Variants in SLCO1B1 observed in about 807,000 individuals in gnomAD.
SLCO1B1 encodes the protein solute carrier organic anion transporter family member 1B1.
In SLCO1B1, 81 loss-of-function variants were observed where a neutral mutation model predicts 70.1. The ratio of observed to expected loss-of-function variants is 1.16; its 90% CI spans 0.97 to 1.39. The LOEUF (loss-of-function observed/expected upper bound fraction) is 1.39. Ranked by LOEUF, SLCO1B1 falls within the 40% of genes most tolerant of loss-of-function variation. SLCO1B1 has a pLI of 0.00. For missense variants in SLCO1B1, 895 were observed against 799.6 expected (o/e 1.12, Z -1.44); for synonymous variants, 283 against 271.5 (o/e 1.04, Z -0.42).
chr12:21,170,958 T>C (rs1158586215), intron 2 of SLCO1B1, among the ~76,000 whole-genome samples: 2 of 152,242 alleles, frequency 1.3e-5, no homozygotes, highest in Non-Finnish European at 2.9e-5. Flanking sequence ...CATTATTTCT[T>C]AAGCATCTTT....
intron 14 of SLCO1B1, among the ~76,000 whole-genome samples, chr12:21,236,268 G>C (rs1281664304): frequency 6.6e-6 from 1 of 152,138 alleles, no homozygotes; most frequent in African/African-American, 2.4e-5. Context: ...AGAACACATT[G>C]AGGGTTAGAT....
intron 2 of SLCO1B1, among the ~76,000 whole-genome samples, chr12:21,142,157 T>G (rs1219131279): frequency 6.6e-6 from 1 of 151,816 alleles, no homozygotes. Flanking sequence ...GTCAAAAACT[T>G]GGCCAAAAGA....
chr12:21,205,765 T>C, intron 10 of SLCO1B1, 103 bp from the exon 11 acceptor site: 2 of 870,980 alleles, frequency 2.3e-6, no homozygotes, highest in Non-Finnish European at 3.5e-6. Flanking sequence ...CTACTTTTTT[T>C]CCCTCTTTCT....
chr12:21,238,033 G>A (rs1302981721), intron 14 of SLCO1B1, among the ~76,000 whole-genome samples: 3 of 152,014 alleles, frequency 2.0e-5, no homozygotes, highest in Non-Finnish European at 4.4e-5. Context: ...TTTTAAAAAT[G>A]TTTCTTTTGC....
At chr12:21,137,087 A>G (rs558466481) in intron 1 of SLCO1B1, among the ~76,000 whole-genome samples, 46 of 152,266 alleles carry the variant, frequency 3.0e-4, no homozygotes, top group African/African-American at 1.1e-3. Context: ...AGAGTTTGCT[A>G]GAGGTCCACT....
At chr12:21,225,744 G>A (rs1941476059) in intron 14 of SLCO1B1, among the ~76,000 whole-genome samples, 1 of 152,124 alleles carries the variant, frequency 6.6e-6, no homozygotes. Context: ...TCCAATGCTG[G>A]CAAGGATGCA....
rs546256423 is a variant in SLCO1B1, at chr12:21,176,615, T to C, written c.360-161T>C. Among the ~76,000 whole-genome samples, 14 of 152,138 alleles carry C rather than the reference T, an allele frequency of 9.2e-5. No homozygotes were observed. The East Asian group carries it at 2.7e-3, about 29-fold the overall frequency. Reference sequence around the variant, plus strand: ...GACACTTCCATTTCACTTTTACCCATCACATCTCTTAAAACACATGCTGGG... The same window carrying C: ...GACACTTCCATTTCACTTTTACCCACCACATCTCTTAAAACACATGCTGGG... On this transcript the variant is annotated intron_variant, in intron 4 of 14. Coordinates refer to ENST00000256958, the MANE Select transcript of SLCO1B1 (RefSeq NM_006446.5).
At chr12:21,205,199 C>CA (rs1194211828) in intron 10 of SLCO1B1, among the ~76,000 whole-genome samples, 4 of 151,612 alleles carry the variant, frequency 2.6e-5, no homozygotes, top group African/African-American at 9.7e-5. Flanking sequence ...ATGAATTATA[C>CA]AAAAAATATA....
chr12:21,148,851 A>C, intron 2 of SLCO1B1, among the ~76,000 whole-genome samples: 1 of 152,110 alleles, frequency 6.6e-6, no homozygotes, highest in East Asian at 1.9e-4. Context: ...CTTCCTATCC[A>C]TGAGCATAGA....
chr12:21,193,013 T>C (rs1941048175), intron 7 of SLCO1B1, among the ~76,000 whole-genome samples: 1 of 152,258 alleles, frequency 6.6e-6, no homozygotes, highest in South Asian at 2.1e-4. Context: ...TTTTCTACTT[T>C]TCTTTTTGAT....
At position 21,172,676 on chromosome 12, in the gene SLCO1B1, C is replaced by T. The variant is rs1349344368; in HGVS notation, c.111C>T (p.Ser37=). ...LKMFLAALSL[S]FIAKTLGAII... ...TGTTCTTGGCAGCTCTGTCACTCAG[C>T]TTTATTGCTAAGACACTAGGTGCAA... is the stretch of plus-strand genomic sequence containing the variant. The change falls in exon 3 of 15, where the codon AGC becomes AGT. Residue 37 remains serine, a synonymous_variant. Coordinates refer to ENST00000256958, the MANE Select transcript of SLCO1B1 (RefSeq NM_006446.5). The T allele has an allele frequency of 6.2e-7, 1 of 1,613,814 alleles. No homozygotes were observed. The highest frequency in any genetic ancestry group is 1.1e-5 in the South Asian group (1 of 91,074).
At position 21,239,153 on chromosome 12, in the gene SLCO1B1, C is replaced by T; in HGVS notation, c.2040C>T (p.Val680=). ...LESLNKNKHF[V]PSAGADSETH... ...CCTTAAATAAAAATAAACATTTTGT[C>T]CCTTCTGCTGGGGCAGATAGTGAAA... Residue 680 remains valine, a synonymous_variant, in exon 15 of 15, where the codon GTC becomes GTT. Transcript: ENST00000256958. The T allele has an allele frequency of 6.2e-7, 1 of 1,613,124 alleles. No homozygotes were observed. Among genetic ancestry groups the T allele is most frequent in the Non-Finnish European group, 8.5e-7 (1 of 1,179,398 alleles).
rs754227814 is a variant in SLCO1B1, at chr12:21,197,045, T to G, written c.827T>G (p.Phe276Cys). The change falls in exon 8 of 15, where the codon TTC becomes TGC. Residue 276 changes from phenylalanine to cysteine, a missense_variant. Transcript: ENST00000256958. ...GLFSIISSIP[F>C]FFLPQTPNKP... is the part of the protein sequence containing the mutation. Reference sequence around the variant, plus strand: ...TTCTCCATTATTTCTTCCATACCATTCTTTTTCTTGCCCCAAACTCCAAAT... The same window carrying G: ...TTCTCCATTATTTCTTCCATACCATGCTTTTTCTTGCCCCAAACTCCAAAT... 12 of 1,613,828 alleles carry G rather than the reference T, an allele frequency of 7.4e-6. No individual in the cohort carries two copies. Among genetic ancestry groups the G allele is most frequent in the African/African-American group, 1.3e-5 (1 of 75,036 alleles).
intron 11 of SLCO1B1, among the ~76,000 whole-genome samples, chr12:21,211,874 G>A (rs1941291096): frequency 1.3e-5 from 2 of 151,440 alleles, no homozygotes; most frequent in South Asian, 4.2e-4. Context: ...ATTCTCTGAT[G>A]GTAGTTTGTA....
intron 2 of SLCO1B1, among the ~76,000 whole-genome samples, chr12:21,145,785 C>T (rs1391630777): frequency 6.6e-6 from 1 of 151,904 alleles, no homozygotes; most frequent in Non-Finnish European, 1.5e-5. Context: ...GTCTGTGCTC[C>T]TTGATTCTTA....
chr12:21,182,527 C>G (rs1940915454), intron 7 of SLCO1B1, among the ~76,000 whole-genome samples: 1 of 152,138 alleles, frequency 6.6e-6, no homozygotes, highest in South Asian at 2.1e-4. Flanking sequence ...GTATTGTAGG[C>G]CCTTCTGCCC....
intron 1 of SLCO1B1, among the ~76,000 whole-genome samples, chr12:21,135,214 TC>T (rs201952306): frequency 0.05 from 7,542 of 152,228 alleles, 93 homozygotes; most frequent in East Asian, 0.12. Flanking sequence ...TGTTATAATT[TC>T]TGTTCTTTTC....
At position 21,174,701 on chromosome 12, in the gene SLCO1B1, C is replaced by T. The variant is rs1414521726; in HGVS notation, c.351C>T (p.Phe117=). 1.1e-5 allele frequency: 17 copies of T among 1,600,140 alleles called. No homozygotes were observed. Among genetic ancestry groups the T allele is most frequent in the Non-Finnish European group, 1.4e-5 (17 of 1,174,336 alleles). Residue 117 remains phenylalanine, a synonymous_variant, in exon 4 of 15, where the codon TTC becomes TTT. Transcript: ENST00000256958. The part of the protein sequence containing the change: ...GGVLTALPHF[F]MGYYRYSKET... Reference sequence around the variant, plus strand: ...TTTTGACTGCTTTGCCACATTTCTTCATGGGATAGTAAGTGTTAAAAAAAA... The same window carrying T: ...TTTTGACTGCTTTGCCACATTTCTTTATGGGATAGTAAGTGTTAAAAAAAA...
At chr12:21,136,735 A>AT (rs1330716518) in intron 1 of SLCO1B1, among the ~76,000 whole-genome samples, 3 of 151,586 alleles carry the variant, frequency 2.0e-5, no homozygotes, top group Admixed American at 6.6e-5. Flanking sequence ...CATTTGTCTG[A>AT]TTTTTTTTCA....
Sources: allele counts gnomAD v4.1 joint callset (sites outside exome capture counted in the v4.1 genomes callset), GRCh38; gene constraint gnomAD v4.1.1; transcripts MANE v1.5; gene names NCBI Gene and HGNC (gene_info 2026-07-23, HGNC 2026-07-21).